RP1: variants seen among roughly 807,000 people sequenced by gnomAD.
The protein encoded by RP1 is oxygen-regulated protein 1.
Under a neutral mutation model 14.8 loss-of-function variants are expected in RP1, and 16 were observed. The ratio of observed to expected loss-of-function variants is 1.08; its 90% CI spans 0.73 to 1.65. RP1 has a LOEUF of 1.65. Ranked by LOEUF, RP1 falls within the 40% of genes most tolerant of loss-of-function variation. RP1 has a pLI of 0.00. For synonymous variants in RP1, 876 were observed against 883.6 expected, an observed-to-expected ratio of 0.99 and a Z score of 0.15; for missense variants, 2,631 against 2,535.0, an observed-to-expected ratio of 1.04 and a Z score of -0.81.
At position 54,627,895 on chromosome 8, in the gene RP1, T is replaced by G. The variant is rs746414248; in HGVS notation, c.4013T>G (p.Val1338Gly). ...PIDETYVPVN[V>G]CNTIDFLNSK... Reference sequence around the variant, plus strand: ...GATGAGACCTACGTTCCTGTCAATGTCTGCAATACCATTGACTTTTTAAAC... The same window carrying G: ...GATGAGACCTACGTTCCTGTCAATGGCTGCAATACCATTGACTTTTTAAAC... Residue 1338 changes from valine to glycine, a missense_variant, in exon 4 of 4, where the codon GTC becomes GGC. Val to Gly is a moderately radical substitution (Grantham distance 109). Coordinates refer to ENST00000220676, the MANE Select transcript of RP1 (RefSeq NM_006269.2). 6.2e-6 allele frequency: 10 copies of G among 1,614,196 alleles called. No individual in the cohort carries two copies. Among genetic ancestry groups the G allele is most frequent in the Non-Finnish European group, 7.6e-6 (9 of 1,179,988 alleles).
chr8:54,691,167 G>A (rs1807701308), intron 12 of RP1, among the ~76,000 whole-genome samples: 2 of 152,162 alleles, frequency 1.3e-5, no homozygotes, highest in South Asian at 4.1e-4. Flanking sequence ...GAAAAGGAAA[G>A]ACCAGTCAGT....
At chr8:54,607,027 G>A (rs1805463863) in intron 1 of RP1, among the ~76,000 whole-genome samples, 1 of 152,108 alleles carries the variant, frequency 6.6e-6, no homozygotes, top group Non-Finnish European at 1.5e-5. Flanking sequence ...ATCGTCTGAA[G>A]TCTTCTTCTC....
chr8:54,657,217 C>A (rs1002842013), intron 6 of RP1, among the ~76,000 whole-genome samples: 2 of 152,162 alleles, frequency 1.3e-5, no homozygotes, highest in African/African-American at 4.8e-5. Flanking sequence ...ACACGTTTCA[C>A]CTGAGAAGAT....
intron 7 of RP1, among the ~76,000 whole-genome samples, chr8:54,667,935 C>T (rs553249469): frequency 6.6e-6 from 1 of 152,238 alleles, no homozygotes; most frequent in African/African-American, 2.4e-5. Context: ...ACCATTCCTT[C>T]TGAAACTATT....
intron 1 of RP1, among the ~76,000 whole-genome samples, chr8:54,586,047 C>A (rs546074022): frequency 2.0e-5 from 3 of 152,240 alleles, no homozygotes; most frequent in Non-Finnish European, 2.9e-5. Flanking sequence ...TGAGGAGCTG[C>A]GTTCCTTTGG....
At chr8:54,855,983 C>T (rs901213184) in intron 26 of RP1, among the ~76,000 whole-genome samples, 3 of 147,960 alleles carry the variant, frequency 2.0e-5, no homozygotes, top group African/African-American at 7.5e-5. Context: ...CCCCTATAAC[C>T]CAGCTGTTTC....
At chr8:54,747,816 A>C (rs1487481773) in intron 19 of RP1, among the ~76,000 whole-genome samples, 4 of 152,180 alleles carry the variant, frequency 2.6e-5, no homozygotes, top group African/African-American at 9.6e-5. Context: ...TGACAGAGGG[A>C]GACCCTGTTT....
At chr8:54,585,119 G>T (rs566457783) in intron 1 of RP1, among the ~76,000 whole-genome samples, 28 of 152,294 alleles carry the variant, frequency 1.8e-4, no homozygotes, top group Non-Finnish European at 3.4e-4. Context: ...AATTTGGCGT[G>T]TTTTTGCAGT....
chr8:54,616,842 G>C (rs950976110), intron 1 of RP1, among the ~76,000 whole-genome samples: 1 of 152,204 alleles, frequency 6.6e-6, no homozygotes, highest in Non-Finnish European at 1.5e-5. Flanking sequence ...GTGAGTGAGA[G>C]AGTGAAGACA....
intron 24 of RP1, among the ~76,000 whole-genome samples, chr8:54,793,753 CA>C (rs1810520808): frequency 6.6e-6 from 1 of 151,994 alleles, no homozygotes. Context: ...GGCTTTCTCT[CA>C]AACATCAGGA....
At chr8:54,809,957 C>T (rs1425769956) in intron 24 of RP1, among the ~76,000 whole-genome samples, 1 of 152,102 alleles carries the variant, frequency 6.6e-6, no homozygotes, top group Non-Finnish European at 1.5e-5. Context: ...CAGGTAAAAG[C>T]TCATCTGAAA....
Position 54,627,123 on chromosome 8 carries a change from G to T in RP1, c.3241G>T (p.Asp1081Tyr). 1.9e-6 allele frequency: 3 copies of T among 1,614,024 alleles called. No individual in the cohort carries two copies. The highest frequency in any genetic ancestry group is 2.5e-6 in the Non-Finnish European group (3 of 1,179,984). Residue 1081 changes from aspartate to tyrosine, a missense_variant, in exon 4 of 4, where the codon GAC becomes TAC. Physicochemically the swap from Asp to Tyr is radical, Grantham distance 160. Transcript: ENST00000220676. ...TCCTATAGAAGAGGAAACTCCAAAA[G>T]ACCTCTTACCAGTCCTGATGCTTCA... is the stretch of plus-strand genomic sequence containing the variant. ...VDPIEEETPK[D>Y]LLPVLMLHQL...
At chr8:54,870,899 T>C (rs1812575955) in exon 29 of RP1, 1 of 152,052 alleles carries the variant, frequency 6.6e-6, no homozygotes, top group African/African-American at 2.4e-5. Context: ...GATGTGACCC[T>C]AGAAGTCTGA....
At chr8:54,818,485 A>G (rs1054096103) in intron 24 of RP1, among the ~76,000 whole-genome samples, 3 of 152,218 alleles carry the variant, frequency 2.0e-5, no homozygotes, top group Non-Finnish European at 4.4e-5. Context: ...AAACAAACAC[A>G]CAGATTCAGT....
chr8:54,769,053 G>A (rs945654350), intron 22 of RP1, among the ~76,000 whole-genome samples: 5 of 151,926 alleles, frequency 3.3e-5, no homozygotes, highest in Admixed American at 6.6e-5. Context: ...CCACCACCAC[G>A]CCCAGCTAAT....
intron 24 of RP1, among the ~76,000 whole-genome samples, chr8:54,822,414 TGAAA>T (rs1455203384): frequency 5.3e-5 from 8 of 152,202 alleles, no homozygotes; most frequent in African/African-American, 1.9e-4. Context: ...ACCTGGAATA[TGAAA>T]GAAAGAAATT....
downstream of RP1, among the ~76,000 whole-genome samples, chr8:54,774,513 T>C (rs542788405): frequency 6.6e-6 from 1 of 152,322 alleles, no homozygotes; most frequent in South Asian, 2.1e-4. Context: ...TGCTGTGACT[T>C]ACTGTTTGGT....
In RP1 at chr8:54,625,856, A is replaced by G; in HGVS notation, c.1974A>G (p.Pro658=). 6.2e-7 allele frequency: 1 copy of G among 1,613,684 alleles called. No homozygotes were observed. Among genetic ancestry groups the G allele is most frequent in the Non-Finnish European group, 8.5e-7 (1 of 1,179,974 alleles). ...EFAQCGLTKL[P]KNEKKILSSV... ...CTCAGTGTGGTTTAACAAAACTTCC[A>G]AAAAATGAAAAGAAGATTTTGTCAT... The change falls in exon 4 of 4, where the codon CCA becomes CCG. Residue 658 remains proline, a synonymous_variant. Coordinates refer to ENST00000220676, the MANE Select transcript of RP1 (RefSeq NM_006269.2).
intron 23 of RP1, among the ~76,000 whole-genome samples, chr8:54,781,833 C>A (rs1416457148): frequency 6.6e-6 from 1 of 152,070 alleles, no homozygotes; most frequent in Non-Finnish European, 1.5e-5. Context: ...TTATTCCACC[C>A]TTAAGGCCTA....
Sources: gnomAD v4.1 joint callset for allele counts (sites outside exome capture counted in the v4.1 genomes callset) on GRCh38, gnomAD v4.1.1 for gene constraint, MANE v1.5 for transcripts, NCBI Gene and HGNC (gene_info 2026-07-23, HGNC 2026-07-21) for gene names.